SSBP4: variants seen among roughly 807,000 people sequenced by gnomAD.
SSBP4 encodes the protein single stranded DNA binding protein 4, also known as single-stranded DNA-binding protein 4.
SSBP4 carries 33 observed loss-of-function variants against 64.6 expected under a neutral mutation model. That is an observed-to-expected ratio of 0.51 (90% CI 0.39 to 0.68). The LOEUF is 0.68. Among genes scored for constraint, SSBP4 ranks in the 30% least tolerant of loss-of-function variants. The pLI, the probability that SSBP4 is intolerant of heterozygous loss-of-function variation, is 0.00. For missense variants in SSBP4, 583 were observed against 566.8 expected (o/e 1.03, Z -0.29); for synonymous variants, 243 against 224.0 (o/e 1.08, Z -0.76).
At chr19:18,412,250 C>A in the SSBP4 span, among the ~76,000 whole-genome samples, 1 of 151,792 alleles carries the variant, frequency 6.6e-6, no homozygotes, top group Non-Finnish European at 1.5e-5. Context: ...ACCATCAGGT[C>A]AGGAGGTCAA....
chr19:18,408,318 T>C, the SSBP4 span, among the ~76,000 whole-genome samples: 3,759 of 152,194 alleles, frequency 0.025, 94 homozygotes, highest in African/African-American at 0.07. Context: ...ACCTCTTCTG[T>C]TGCTGTCTCC....
the SSBP4 span, among the ~76,000 whole-genome samples, chr19:18,406,006 GAC>G: frequency 2.0e-5 from 3 of 148,024 alleles, no homozygotes; most frequent in Admixed American, 1.4e-4. Flanking sequence ...AAAAAAAAAA[GAC>G]AGAGAGAGAA....
In SSBP4 at chr19:18,431,416, C is replaced by A; in HGVS notation, c.433C>A (p.Gln145Lys). 6.6e-7 allele frequency: 1 copy of A among 1,508,038 alleles called. No homozygotes were observed. Among genetic ancestry groups the A allele is most frequent in the Non-Finnish European group, 9.0e-7 (1 of 1,117,262 alleles). The allele number at this position is 1,508,038 out of a possible 1,614,324, so 93.4% of individuals were successfully genotyped here. ...CGCCCCCATGATGGGGCCTCACGGT[C>A]AGGTAAGGAGCTGTGGTGCCTGCCC... ...PNAPMMGPHG[Q>K]PFMSPRFPGG... Residue 145 changes from glutamine (Q) to lysine (K), a missense_variant and splice_region_variant, in exon 6 of 18, where the codon CAG (glutamine) becomes AAG (lysine). Physicochemically the swap from Gln to Lys is moderately conservative, Grantham distance 53 (BLOSUM62 1). Transcript: ENST00000270061.
chr19:18,403,053 G>A, the SSBP4 span, among the ~76,000 whole-genome samples: 4 of 152,240 alleles, frequency 2.6e-5, no homozygotes, highest in South Asian at 4.1e-4. Flanking sequence ...GCCCTATGGC[G>A]GGAGGCGAGA....
In SSBP4 at chr19:18,423,985, C is replaced by T. The variant is rs1972655643; in HGVS notation, c.60-3366C>T. On this transcript the variant is annotated intron_variant, in intron 1 of 17. Transcript: ENST00000270061. This position sits in a 1 kb window ranked among gnomAD's most constrained non-coding sequence, Gnocchi z 4.0. ...CCCCAGACCTGGCCCCCGGAGCAGT[C>T]CTCTGGGAGGGGAGGACCTTGTAGG... 6.6e-6 allele frequency among the ~76,000 whole-genome samples: 1 copy of T among 152,190 alleles called. No individual in the cohort carries two copies. The highest frequency in any genetic ancestry group is 2.4e-5 in the African/African-American group (1 of 41,432).
In SSBP4 at chr19:18,419,431, G is replaced by A. The variant is rs950301339; in HGVS notation, c.-218G>A. The A allele has an allele frequency of 1.7e-5, 18 of 1,046,636 alleles. No individual in the cohort carries two copies. The South Asian group carries it at 6.2e-4, about 36-fold the overall frequency. 64.8% of individuals were successfully genotyped at this position (1,046,636 alleles called of 1,614,324 possible). A position where few individuals can be genotyped will look rare whatever the true frequency, so the allele number is the denominator to read the frequency against. ...GAACAGCCCGCGCGGAGGAAAGGGAGGAAAAAAAGCCACCCTGCGGCCGGG... is the reference window on the plus strand; with the variant it reads ...GAACAGCCCGCGCGGAGGAAAGGGAAGAAAAAAAGCCACCCTGCGGCCGGG... On this transcript the variant is annotated 5_prime_UTR_variant, in exon 1 of 18. Coordinates refer to ENST00000270061, the MANE Select transcript of SSBP4 (RefSeq NM_032627.5).
upstream of SSBP4, among the ~76,000 whole-genome samples, chr19:18,417,935 G>A (rs933139446): frequency 6.6e-6 from 1 of 152,162 alleles, no homozygotes; most frequent in Non-Finnish European, 1.5e-5. The surrounding 1 kb of genome is among the most constrained non-coding windows in gnomAD (Gnocchi z 5.4). Flanking sequence ...GCATCTGCGG[G>A]GTCAGCTGGC....
In SSBP4 at chr19:18,423,543, A is replaced by G. The variant is rs1019752946; in HGVS notation, c.60-3808A>G. Among the ~76,000 whole-genome samples, 5 of 152,196 alleles carry G rather than the reference A, an allele frequency of 3.3e-5. No individual in the cohort carries two copies. Among genetic ancestry groups the G allele is most frequent in the African/African-American group, 1.2e-4 (5 of 41,436 alleles). On this transcript the variant is annotated intron_variant, in intron 1 of 17. Transcript: ENST00000270061. This position sits in a 1 kb window ranked among gnomAD's most constrained non-coding sequence, Gnocchi z 4.0. Reference sequence around the variant, plus strand: ...AGTGGCAGGTGTCTCCTGCCCCAGCAGCATCTGTGTCTAGGAAGGCGCTGA... The same window carrying G: ...AGTGGCAGGTGTCTCCTGCCCCAGCGGCATCTGTGTCTAGGAAGGCGCTGA...
chr19:18,429,479 G>C (rs1453619476), intron 4 of SSBP4, among the ~76,000 whole-genome samples: 4 of 147,260 alleles, frequency 2.7e-5, no homozygotes, highest in South Asian at 2.1e-4. Flanking sequence ...GCGGGGGGGG[G>C]GTGCGGTGGA....
the SSBP4 span, among the ~76,000 whole-genome samples, chr19:18,411,767 A>G: frequency 1.3e-5 from 2 of 152,134 alleles, no homozygotes; most frequent in Non-Finnish European, 2.9e-5. Flanking sequence ...GGTGTTGTTA[A>G]GCCAAAGGAC....
chr19:18,421,635 G>A (rs1415421065), intron 1 of SSBP4, among the ~76,000 whole-genome samples: 1 of 152,240 alleles, frequency 6.6e-6, no homozygotes, highest in Non-Finnish European at 1.5e-5. Flanking sequence ...CGAAGGGTGA[G>A]GGGATGTCAG....
the SSBP4 span, among the ~76,000 whole-genome samples, chr19:18,408,810 A>G: frequency 6.6e-6 from 1 of 150,742 alleles, no homozygotes; most frequent in Non-Finnish European, 1.5e-5. Flanking sequence ...AAATTAAGAC[A>G]GTTCTTTTGG....
chr19:18,403,560 T>G, the SSBP4 span, among the ~76,000 whole-genome samples: 1 of 151,844 alleles, frequency 6.6e-6, no homozygotes, highest in African/African-American at 2.4e-5. Flanking sequence ...TCCTGGGGCC[T>G]GAGGATCCTG....
At position 18,423,034 on chromosome 19, in the gene SSBP4, C is replaced by T. The variant is rs1230328040; in HGVS notation, c.59+3327C>T. Among the ~76,000 whole-genome samples, 3 of 152,238 alleles carry T rather than the reference C, an allele frequency of 2.0e-5. No individual in the cohort carries two copies. The highest frequency in any genetic ancestry group is 4.4e-5 in the Non-Finnish European group (3 of 68,046). ...ACCGAGCACCTGGTGGGTGCCTGCC[C>T]TCGGGGGCTCGCAGCAGATGGCAGT... On this transcript the variant is annotated intron_variant, in intron 1 of 17. Coordinates refer to ENST00000270061, the MANE Select transcript of SSBP4 (RefSeq NM_032627.5). The surrounding 1 kb of genome is among the most constrained non-coding windows in gnomAD (Gnocchi z 4.0).
chr19:18,407,237 C>G, the SSBP4 span, among the ~76,000 whole-genome samples: 1 of 150,932 alleles, frequency 6.6e-6, no homozygotes. Context: ...GGGGTTTCAC[C>G]TTGTTGGCCA....
At chr19:18,433,239 C>T (rs1385985364) in intron 15 of SSBP4, 26 bp downstream of exon 15, 1 of 1,545,640 alleles carries the variant, frequency 6.5e-7, no homozygotes, top group Non-Finnish European at 8.7e-7. Context: ...TGCTCCCGCC[C>T]ACGTTGCCTT....
chr19:18,429,352 C>T (rs1973144312), intron 4 of SSBP4, among the ~76,000 whole-genome samples: 1 of 152,030 alleles, frequency 6.6e-6, no homozygotes, highest in African/African-American at 2.4e-5. Flanking sequence ...GCCGGGCCGG[C>T]TCCTCTTCAG....
intron 17 of SSBP4, 127 bp from the exon 18 acceptor site, chr19:18,434,090 C>T: frequency 1.4e-6 from 2 of 1,437,052 alleles, no homozygotes; most frequent in Non-Finnish European, 1.8e-6. Flanking sequence ...CCCGTTCCCT[C>T]CTGTCCCCAC....
At chr19:18,430,566 C>A (rs183891726) in intron 4 of SSBP4, among the ~76,000 whole-genome samples, 131 of 152,294 alleles carry the variant, frequency 8.6e-4, no homozygotes, top group Non-Finnish European at 1.5e-3. Flanking sequence ...GGGGACCCAG[C>A]TGAGCTGCCC....
Sources: gnomAD v4.1 joint callset for allele counts (sites outside exome capture counted in the v4.1 genomes callset) on GRCh38, gnomAD v4.1.1 for gene constraint, Gnocchi (gnomAD v3.1) non-coding constraint, MANE v1.5 for transcripts, NCBI Gene and HGNC (gene_info 2026-07-23, HGNC 2026-07-21) for gene names.